The following DRC9 variants were observed in gnomAD, a reference collection of about 807,000 sequenced individuals.
DRC9 encodes dynein regulatory complex subunit 9, also known as dynein regulatory complex protein 9.
At chr3:197,945,669 T>A in the DRC9 span, 1 of 1,511,240 alleles carries the variant, frequency 6.6e-7, no homozygotes, top group Non-Finnish European at 9.0e-7. Flanking sequence ...ATTTATAATC[T>A]CACAAAAGTG....
At chr3:197,904,566 G>A in the DRC9 span, among the ~76,000 whole-genome samples, 1 of 152,146 alleles carries the variant, frequency 6.6e-6, no homozygotes, top group African/African-American at 2.4e-5. Flanking sequence ...ACAGACGAAC[G>A]GATAAAGAAA....
At chr3:197,959,978 G>A in the DRC9 span, 149 of 542,730 alleles carry the variant, frequency 2.7e-4, 1 homozygote, top group African/African-American at 2.6e-3. Flanking sequence ...ACCCACATAC[G>A]GCCAACGCCC....
At chr3:197,951,613 A>G in the DRC9 span, 4 of 387,600 alleles carry the variant, frequency 1.0e-5, no homozygotes, top group South Asian at 4.6e-5. Flanking sequence ...TCGGCCTCCC[A>G]AAGTGCTGAG....
the DRC9 span, chr3:197,912,832 C>CTA: frequency 1.8e-6 from 2 of 1,129,876 alleles, no homozygotes; most frequent in Non-Finnish European, 2.7e-6. Flanking sequence ...GCAGCTCGGT[C>CTA]GGTAGCTGAG....
At chr3:197,926,129 T>C in the DRC9 span, 1 of 1,351,068 alleles carries the variant, frequency 7.4e-7, no homozygotes. Context: ...GAATGATTTG[T>C]GTTTAGAGCA....
chr3:197,915,628 CTCT>C, the DRC9 span, among the ~76,000 whole-genome samples: 2 of 152,084 alleles, frequency 1.3e-5, no homozygotes. Flanking sequence ...CGCCTTTCTT[CTCT>C]TTTTACATTT....
At chr3:197,896,082 C>T in the DRC9 span, among the ~76,000 whole-genome samples, 2 of 149,556 alleles carry the variant, frequency 1.3e-5, no homozygotes, top group East Asian at 3.9e-4. Flanking sequence ...GTGGCTCACA[C>T]CTGTAATGCC....
At chr3:197,913,375 A>G in the DRC9 span, 7,050 of 229,492 alleles carry the variant, frequency 0.031, 162 homozygotes, top group South Asian at 0.046. Context: ...TGTGCCATTT[A>G]GCATTCCCCT....
At chr3:197,889,705 A>G in the DRC9 span, 2 of 1,614,210 alleles carry the variant, frequency 1.2e-6, no homozygotes, top group South Asian at 1.1e-5. Flanking sequence ...CCTCGCCACC[A>G]GGCCTGGAGC....
chr3:197,908,559 G>A, the DRC9 span, among the ~76,000 whole-genome samples: 46 of 148,660 alleles, frequency 3.1e-4, no homozygotes, highest in East Asian at 9.4e-3. Context: ...TATCACAGGG[G>A]TGACTGTACC....
the DRC9 span, chr3:197,950,801 C>T: frequency 1.4e-6 from 1 of 724,178 alleles, no homozygotes. Context: ...TATGGATGTT[C>T]TGGCATTGTT....
chr3:197,934,183 C>CTTGTTTTTTTTTTTTTTTT, the DRC9 span, among the ~76,000 whole-genome samples: 1 of 99,510 alleles, frequency 1.0e-5, no homozygotes, highest in Non-Finnish European at 1.9e-5. Flanking sequence ...CATTCTGGGT[C>CTTGTTTTTTTTTTTTTTTT]TTTTTTTTTT....
chr3:197,950,187 G>A, the DRC9 span: 1 of 1,231,724 alleles, frequency 8.1e-7, no homozygotes, highest in Non-Finnish European at 1.0e-6. Flanking sequence ...GCGGGGCCTC[G>A]TCCTTCTCTT....
At chr3:197,946,166 G>C in the DRC9 span, among the ~76,000 whole-genome samples, 246 of 151,966 alleles carry the variant, frequency 1.6e-3, no homozygotes, top group African/African-American at 5.6e-3. Context: ...CCGGGCGCGG[G>C]GGCTCACGCC....
the DRC9 span, among the ~76,000 whole-genome samples, chr3:197,910,027 G>C: frequency 4.6e-5 from 7 of 152,124 alleles, no homozygotes; most frequent in South Asian, 2.1e-4. Context: ...CTGAGAATAG[G>C]TATGTTTTTA....
At chr3:197,912,439 A>T in the DRC9 span, 1 of 445,208 alleles carries the variant, frequency 2.2e-6, no homozygotes, top group South Asian at 3.4e-5. Context: ...AAATCGAAAA[A>T]TTTCTTATGT....
the DRC9 span, chr3:197,891,594 A>G: frequency 1.9e-6 from 2 of 1,057,246 alleles, no homozygotes; most frequent in Non-Finnish European, 1.4e-6. Context: ...CTCTTGGCTA[A>G]GCTGTAGCCC....
chr3:197,937,837 G>C, the DRC9 span, among the ~76,000 whole-genome samples: 1 of 152,062 alleles, frequency 6.6e-6, no homozygotes, highest in African/African-American at 2.4e-5. Flanking sequence ...TATGTGAGAG[G>C]CTCACTGGAA....
chr3:197,946,390 G>A, the DRC9 span, among the ~76,000 whole-genome samples: 270 of 144,494 alleles, frequency 1.9e-3, 1 homozygote, highest in African/African-American at 6.6e-3. Context: ...AGCCGAGATC[G>A]CGCCACTGCA....
Sources: allele counts gnomAD v4.1 joint callset (sites outside exome capture counted in the v4.1 genomes callset), GRCh38; gene constraint gnomAD v4.1.1; transcripts MANE v1.5; gene names NCBI Gene and HGNC (gene_info 2026-07-23, HGNC 2026-07-21).